ZMYND19: variants seen among roughly 807,000 people sequenced by gnomAD.
The protein encoded by ZMYND19 is zinc finger MYND domain-containing protein 19.
A neutral mutation model predicts 32.0 loss-of-function variants in ZMYND19; 17 were observed. That is an observed-to-expected ratio of 0.53 (90% CI 0.36 to 0.80). ZMYND19 has a LOEUF of 0.80. Ranked by LOEUF, ZMYND19 falls within the 30% of genes least tolerant of loss-of-function variation. The pLI is 0.00. For missense variants in ZMYND19, 250 were observed against 293.6 expected, an observed-to-expected ratio of 0.85 and a Z score of 1.09; for synonymous variants, 124 against 113.6, an observed-to-expected ratio of 1.09 and a Z score of -0.58.
chr9:137,588,842 C>T (rs1842237106), intron 1 of ZMYND19, 124 bp from the exon 2 acceptor site: 15 of 1,067,596 alleles, frequency 1.4e-5, no homozygotes, highest in Middle Eastern at 4.1e-4. Context: ...AACTACAGGC[C>T]TCTTCAGACC....
chr9:137,587,061 G>C lies in ZMYND19; in HGVS notation c.265C>G (p.Leu89Val), dbSNP rs1312996004. The change falls in exon 4 of 6, where the codon CTC becomes GTC. Residue 89 changes from leucine (L) to valine (V), a missense_variant. Around this residue, in one of 2 missense-constraint regions of ZMYND19, gnomAD observed 212 missense variants for 218.8 expected, o/e 0.97. Transcript: ENST00000298585. ...CGATTGTCCACGGTCACAGCGTTGA[G>C]GTGCACCACCTGGAAGCCCGGGGCC... ...GVAPGFQVVH[L>V]NAVTVDNRLD... 1 of 1,610,504 alleles carries C rather than the reference G, an allele frequency of 6.2e-7. No individual in the cohort carries two copies. Among genetic ancestry groups the C allele is most frequent in the Non-Finnish European group, 8.5e-7 (1 of 1,180,028 alleles).
At chr9:137,587,579 A>C in intron 3 of ZMYND19, 138 bp downstream of exon 3, 2 of 746,158 alleles carry the variant, frequency 2.7e-6, no homozygotes, top group Non-Finnish European at 4.7e-6. Context: ...TTAGTGGTGA[A>C]GGACACAAAA....
rs191714020 is a variant in ZMYND19, at chr9:137,589,803, G to A, written c.51+410C>T. On this transcript the variant is annotated intron_variant, in intron 1 of 5. Transcript: ENST00000298585. Reference sequence around the variant, plus strand: ...AGAGGTGTGGAAGTGGCGCTGCCTCGGAAAGGGCGCTGTGTTTAAACCGTG... The same window carrying A: ...AGAGGTGTGGAAGTGGCGCTGCCTCAGAAAGGGCGCTGTGTTTAAACCGTG... 62 of 985,484 alleles carry A rather than the reference G, an allele frequency of 6.3e-5. No homozygotes were observed. In the African/African-American group the frequency reaches 1.0e-3, roughly 16 times the overall value. The allele number at this position is 985,484 out of a possible 1,614,324, so 61.0% of individuals were successfully genotyped here.
At chr9:137,589,832 C>T (rs1842250262) in intron 1 of ZMYND19, 1 of 985,378 alleles carries the variant, frequency 1.0e-6, no homozygotes, top group Admixed American at 6.1e-5. Flanking sequence ...AACCGTGTGG[C>T]CGCACTGGCA....
chr9:137,585,871 A>G (rs932340511), intron 4 of ZMYND19, among the ~76,000 whole-genome samples: 2 of 152,272 alleles, frequency 1.3e-5, no homozygotes, highest in Non-Finnish European at 2.9e-5. Flanking sequence ...ACCATCTGCT[A>G]GGGCAGTTCG....
intron 1 of ZMYND19, chr9:137,589,686 A>C: frequency 1.0e-6 from 1 of 985,448 alleles, no homozygotes; most frequent in Non-Finnish European, 1.2e-6. Flanking sequence ...GCTCAGCCTA[A>C]CGTGGCCAAC....
At chr9:137,586,062 T>A (rs1028223468) in intron 4 of ZMYND19, among the ~76,000 whole-genome samples, 1 of 152,242 alleles carries the variant, frequency 6.6e-6, no homozygotes, top group Non-Finnish European at 1.5e-5. Flanking sequence ...GTTCACAGAC[T>A]GGCTGGTTCT....
chr9:137,590,408 G>T lies in ZMYND19; in HGVS notation c.-145C>A. ...CCAGGCGGGCTCCGGGCGGGACGAG[G>T]CTGGGCCGGGCTCGGGCCTCCGCCG... On this transcript the variant is annotated 5_prime_UTR_variant, in exon 1 of 6. Coordinates refer to ENST00000298585, the MANE Select transcript of ZMYND19 (RefSeq NM_138462.3). This position sits in a 1 kb window ranked among gnomAD's most constrained non-coding sequence, Gnocchi z 4.2. 1 of 406,538 alleles carries T rather than the reference G, an allele frequency of 2.5e-6. No individual in the cohort carries two copies. The highest frequency in any genetic ancestry group is 3.3e-6 in the Non-Finnish European group (1 of 302,598). 25.2% of individuals were successfully genotyped at this position (406,538 alleles called of 1,614,324 possible).
Position 137,587,817 on chromosome 9 carries a change from T to C in ZMYND19, c.118A>G (p.Met40Val). 1 of 1,614,070 alleles carries C rather than the reference T, an allele frequency of 6.2e-7. No homozygotes were observed. The highest frequency in any genetic ancestry group is 8.5e-7 in the Non-Finnish European group (1 of 1,179,972). The change falls in exon 3 of 6, where the codon ATG (methionine) becomes GTG (valine). Residue 40 changes from methionine (M) to valine (V), a missense_variant. This residue lies in a region of ZMYND19 where 212 missense variants were observed against 218.8 expected (regional missense o/e 0.97). Coordinates refer to ENST00000298585, the MANE Select transcript of ZMYND19 (RefSeq NM_138462.3). Reference protein sequence around the residue: ...LVESYSFEARMEVDADGNGAK... With the variant: ...LVESYSFEARVEVDADGNGAK... ...CCATTTCCATCTGCATCCACTTCCA[T>C]TCGGGCCTGAGAAGGAACAAGGGAA...
At chr9:137,582,738 G>C in intron 5 of ZMYND19, 52 bp from the exon 6 acceptor site, 1 of 1,593,962 alleles carries the variant, frequency 6.3e-7, no homozygotes, top group Non-Finnish European at 8.5e-7. Context: ...ACGCAGTGTG[G>C]GGCAAAGGCT....
chr9:137,590,135 C>T lies in ZMYND19; in HGVS notation c.51+78G>A, dbSNP rs1588975888. The T allele has an allele frequency of 1.0e-5, 10 of 985,206 alleles. No individual in the cohort carries two copies. Among genetic ancestry groups the T allele is most frequent in the Non-Finnish European group, 1.2e-5 (10 of 830,726 alleles). The allele number at this position is 985,206 out of a possible 1,614,324, so 61.0% of individuals were successfully genotyped here. The stretch of plus-strand genomic sequence containing the variant: ...CTCCGCGCCCCCGCCCCGGCCGCCG[C>T]CCGCACAACCGCCCCCGGCCCCGCG... On this transcript the variant is annotated intron_variant, in intron 1 of 5. Coordinates refer to ENST00000298585, the MANE Select transcript of ZMYND19 (RefSeq NM_138462.3). This position sits in a 1 kb window ranked among gnomAD's most constrained non-coding sequence, Gnocchi z 4.2.
chr9:137,586,673 G>A lies in ZMYND19; in HGVS notation c.359+294C>T, dbSNP rs549715472. ...CTGCTCACACCGAGTCCCGACGCTG[G>A]CCCTGCCCTGGAGCAGGCAGCCCTT... On this transcript the variant is annotated intron_variant, in intron 4 of 5. Coordinates refer to ENST00000298585, the MANE Select transcript of ZMYND19 (RefSeq NM_138462.3). Among the ~76,000 whole-genome samples the A allele has an allele frequency of 2.0e-5, 3 of 152,296 alleles. No individual in the cohort carries two copies. The East Asian group carries it at 5.8e-4, about 29-fold the overall frequency.
At chr9:137,588,404 C>T (rs1041416800) in intron 2 of ZMYND19, among the ~76,000 whole-genome samples, 5 of 152,226 alleles carry the variant, frequency 3.3e-5, no homozygotes, top group Non-Finnish European at 7.3e-5. Flanking sequence ...GAGGAGCTGG[C>T]AGCTGGGGTG....
In ZMYND19 at chr9:137,582,404, GT is replaced by G. The variant is rs1842156591; in HGVS notation, c.*138del. On this transcript the variant is annotated 3_prime_UTR_variant, in exon 6 of 6. Coordinates refer to ENST00000298585, the MANE Select transcript of ZMYND19 (RefSeq NM_138462.3). ...GGCGCTGTAACCACACAGACTGCCT[GT>G]GACATCGGGAGTCTCACGGCAGCTG... 4 of 1,236,034 alleles carry G rather than the reference GT, an allele frequency of 3.2e-6. No homozygotes were observed. The highest frequency in any genetic ancestry group is 4.4e-6 in the Non-Finnish European group (4 of 904,238). The allele number at this position is 1,236,034 out of a possible 1,614,324, so 76.6% of individuals were successfully genotyped here. A position where few individuals can be genotyped will look rare whatever the true frequency, so the allele number is the denominator to read the frequency against.
intron 1 of ZMYND19, chr9:137,589,845 C>T: frequency 1.0e-6 from 1 of 985,476 alleles, no homozygotes. Context: ...CACTGGCAGC[C>T]CGGACGCCGC....
At chr9:137,583,220 G>A (rs922941531) in intron 4 of ZMYND19, 57 bp from the exon 5 acceptor site, 1 of 1,573,886 alleles carries the variant, frequency 6.4e-7, no homozygotes, top group African/African-American at 1.3e-5. Flanking sequence ...CCAGCACACA[G>A]CAGACGATGC....
intron 1 of ZMYND19, chr9:137,589,436 C>G: frequency 1.0e-6 from 1 of 985,466 alleles, no homozygotes; most frequent in Non-Finnish European, 1.2e-6. Context: ...CGGCTCCTCT[C>G]TCCCACCAAA....
chr9:137,585,927 C>G (rs1231499363), intron 4 of ZMYND19, among the ~76,000 whole-genome samples: 1 of 152,240 alleles, frequency 6.6e-6, no homozygotes, highest in Non-Finnish European at 1.5e-5. Flanking sequence ...GAGGACGTGC[C>G]CAAAAGCCCC....
intron 1 of ZMYND19, 167 bp from the exon 2 acceptor site, chr9:137,588,885 C>A: frequency 1.4e-6 from 1 of 706,620 alleles, no homozygotes; most frequent in Admixed American, 2.5e-5. Context: ...CCTCATTCCA[C>A]CGTTTGGGGT....
Sources: allele counts gnomAD v4.1 joint callset (sites outside exome capture counted in the v4.1 genomes callset), GRCh38; gene constraint gnomAD v4.1.1; regional missense constraint gnomAD v4.1.1; non-coding constraint Gnocchi (gnomAD v3.1); transcripts MANE v1.5; gene names NCBI Gene and HGNC (gene_info 2026-07-23, HGNC 2026-07-21).